GUCY1A2: variants seen among roughly 807,000 people sequenced by gnomAD.
GUCY1A2 encodes guanylate cyclase soluble subunit alpha-2.
GUCY1A2 carries 27 observed loss-of-function variants against 63.5 expected under a neutral mutation model. That is an observed-to-expected ratio of 0.43 (90% CI 0.31 to 0.59). The LOEUF (loss-of-function observed/expected upper bound fraction) is 0.59. GUCY1A2 is among the 20% of genes least tolerant of loss of function. The pLI is 0.11. For synonymous variants in GUCY1A2, 364 were observed against 343.5 expected (o/e 1.06, Z -0.66); for missense variants, 768 against 913.3 (o/e 0.84, Z 2.05).
chr11:106,701,897 A>G (rs989385726), intron 7 of GUCY1A2, among the ~76,000 whole-genome samples: 5 of 152,178 alleles, frequency 3.3e-5, no homozygotes, highest in African/African-American at 1.2e-4. Flanking sequence ...TCCTATAAAC[A>G]TGTACTATAA....
chr11:106,788,602 T>C (rs918352778), intron 5 of GUCY1A2, among the ~76,000 whole-genome samples: 1 of 152,184 alleles, frequency 6.6e-6, no homozygotes, highest in African/African-American at 2.4e-5. Flanking sequence ...CTTCTGCATA[T>C]CCAGTTTTCC....
chr11:107,017,875 G>GGGCCGGGGCGGCGGCAGCGGCAGCTGC lies in GUCY1A2; in HGVS notation c.154_180dup (p.Ala52_Ala60dup). 1 of 1,250,732 alleles carries GGGCCGGGGCGGCGGCAGCGGCAGCTGC rather than the reference G, an allele frequency of 8.0e-7. No individual in the cohort carries two copies. Among genetic ancestry groups the GGGCCGGGGCGGCGGCAGCGGCAGCTGC allele is most frequent in the Non-Finnish European group, 1.0e-6 (1 of 995,752 alleles). The allele number at this position is 1,250,732 out of a possible 1,614,324, so 77.5% of individuals were successfully genotyped here. On this transcript the variant is annotated inframe_insertion, in exon 1 of 8. Transcript: ENST00000526355. ...GCGGCGGCAGAAGCAGCCGGGGTCG[G>GGGCCGGGGCGGCGGCAGCGGCAGCTGC]GGCCGGGGCGGCGGCAGCGGCAGCT...
At chr11:106,897,453 T>C (rs1013726329) in intron 4 of GUCY1A2, among the ~76,000 whole-genome samples, 3 of 151,994 alleles carry the variant, frequency 2.0e-5, no homozygotes, top group African/African-American at 7.2e-5. Context: ...AGACTTATTA[T>C]AGAACCACAG....
intron 1 of GUCY1A2, among the ~76,000 whole-genome samples, chr11:107,003,131 T>C (rs7107170): frequency 0.056 from 8,462 of 152,214 alleles, 708 homozygotes; most frequent in African/African-American, 0.19. Flanking sequence ...CTGCTGTCTC[T>C]ATTTTTATCA....
At chr11:106,818,220 C>T (rs1211505219) in intron 4 of GUCY1A2, among the ~76,000 whole-genome samples, 3 of 152,108 alleles carry the variant, frequency 2.0e-5, no homozygotes, top group East Asian at 1.9e-4. Context: ...TTTGTGACAA[C>T]CTTCTGTTGA....
rs1862393708 is a variant in GUCY1A2 at position 106,679,232 on chromosome 11, C to A, written c.*8317G>T. 5.3e-6 allele frequency: 1 copy of A among 188,356 alleles called. No individual in the cohort carries two copies. The highest frequency in any genetic ancestry group is 8.5e-5 in the East Asian group (1 of 11,696). 11.7% of individuals were successfully genotyped at this position (188,356 alleles called of 1,614,324 possible). On this transcript the variant is annotated 3_prime_UTR_variant, in exon 8 of 8. Transcript: ENST00000526355. ...AACCAGTTACATGTAAGTGAAAAATCTTTGATGATTAAGGTACTACCTAAC... is the reference window on the plus strand; with the variant it reads ...AACCAGTTACATGTAAGTGAAAAATATTTGATGATTAAGGTACTACCTAAC...
At chr11:106,897,678 A>C (rs1279524465) in intron 4 of GUCY1A2, among the ~76,000 whole-genome samples, 1 of 152,090 alleles carries the variant, frequency 6.6e-6, no homozygotes, top group African/African-American at 2.4e-5. Flanking sequence ...TTGAATCTAG[A>C]TACAGACCTC....
At chr11:106,689,529 C>T (rs1445509819) in intron 7 of GUCY1A2, among the ~76,000 whole-genome samples, 1 of 151,982 alleles carries the variant, frequency 6.6e-6, no homozygotes, top group Non-Finnish European at 1.5e-5. Context: ...GAAAAAAACA[C>T]AACCCCATTA....
In GUCY1A2 at chr11:106,746,545, C is replaced by A; in HGVS notation, c.1836+29894G>T. On this transcript the variant is annotated intron_variant, in intron 6 of 7. Coordinates refer to ENST00000526355, the MANE Select transcript of GUCY1A2 (RefSeq NM_000855.3). The stretch of plus-strand genomic sequence containing the variant: ...TTTCCTTCTCCCTATAAGTGAAGCT[C>A]ATTACCTTTTCAGTACCCAAATCCG... 3 of 1,531,716 alleles carry A rather than the reference C, an allele frequency of 2.0e-6. No individual in the cohort carries two copies. In the South Asian group the frequency reaches 3.4e-5, roughly 17 times the overall value. The allele number at this position is 1,531,716 out of a possible 1,614,324, so 94.9% of individuals were successfully genotyped here.
chr11:106,920,592 A>G (rs1296490770), intron 4 of GUCY1A2, among the ~76,000 whole-genome samples: 2 of 152,124 alleles, frequency 1.3e-5, no homozygotes, highest in Non-Finnish European at 2.9e-5. Flanking sequence ...ACCATGTTTA[A>G]TGGATTAAAC....
At chr11:106,960,826 A>G (rs1420319370) in intron 3 of GUCY1A2, among the ~76,000 whole-genome samples, 1 of 152,160 alleles carries the variant, frequency 6.6e-6, no homozygotes, top group Non-Finnish European at 1.5e-5. Flanking sequence ...AGAACAAAGT[A>G]ACAGCCAACA....
At chr11:106,981,742 A>G (rs910288439) in intron 2 of GUCY1A2, among the ~76,000 whole-genome samples, 8 of 135,362 alleles carry the variant, frequency 5.9e-5, no homozygotes, top group Admixed American at 5.0e-4. Context: ...ATTTCAGTCA[A>G]AAAAAAAAAA....
At chr11:106,850,832 A>G (rs1258156449) in intron 4 of GUCY1A2, among the ~76,000 whole-genome samples, 4 of 151,832 alleles carry the variant, frequency 2.6e-5, no homozygotes, top group Non-Finnish European at 5.9e-5. Flanking sequence ...TAATATCCTG[A>G]CTTCGCTGGC....
chr11:106,944,056 A>G (rs2119990384), intron 3 of GUCY1A2, among the ~76,000 whole-genome samples: 1 of 151,262 alleles, frequency 6.6e-6, no homozygotes, highest in East Asian at 2.0e-4. Flanking sequence ...AAAAGTACAA[A>G]AATTAGCAGG....
intron 4 of GUCY1A2, among the ~76,000 whole-genome samples, chr11:106,825,236 T>A (rs1197290426): frequency 6.6e-6 from 1 of 152,114 alleles, no homozygotes; most frequent in Non-Finnish European, 1.5e-5. Context: ...TTGTCTTAAG[T>A]TTTTTATGCC....
intron 4 of GUCY1A2, among the ~76,000 whole-genome samples, chr11:106,823,825 T>C (rs1858932959): frequency 6.6e-6 from 1 of 152,190 alleles, no homozygotes; most frequent in African/African-American, 2.4e-5. Context: ...TTAGGGATAC[T>C]GATCATTATA....
rs187920791 is a variant in GUCY1A2, at chr11:107,011,756, C to T, written c.303+5997G>A. Among the ~76,000 whole-genome samples, 366 of 148,390 alleles carry T rather than the reference C, an allele frequency of 2.5e-3. 1 individual carries two copies. The highest frequency in any genetic ancestry group is 4.2e-3 in the Non-Finnish European group (282 of 67,334). Reference sequence around the variant, plus strand: ...AGTTCTACTCTTCAGAAGGCTGAGGCAGGAGCAAGACCCTATTTCAAAAAA... The same window carrying T: ...AGTTCTACTCTTCAGAAGGCTGAGGTAGGAGCAAGACCCTATTTCAAAAAA... On this transcript the variant is annotated intron_variant, in intron 1 of 7. Coordinates refer to ENST00000526355, the MANE Select transcript of GUCY1A2 (RefSeq NM_000855.3).
At chr11:106,807,429 A>G (rs1481359102) in intron 5 of GUCY1A2, among the ~76,000 whole-genome samples, 1 of 152,170 alleles carries the variant, frequency 6.6e-6, no homozygotes, top group Non-Finnish European at 1.5e-5. Context: ...TATCCTATAC[A>G]GGACTAATAT....
At chr11:106,699,773 CTTTTTTCTT>C (rs890989349) in intron 7 of GUCY1A2, among the ~76,000 whole-genome samples, 16 of 151,872 alleles carry the variant, frequency 1.1e-4, no homozygotes, top group South Asian at 8.3e-4. Flanking sequence ...AAAAATATGT[CTTTTTTCTT>C]TTTTTTCTTT....
Sources: allele counts gnomAD v4.1 joint callset (sites outside exome capture counted in the v4.1 genomes callset), GRCh38; gene constraint gnomAD v4.1.1; transcripts MANE v1.5; gene names NCBI Gene and HGNC (gene_info 2026-07-23, HGNC 2026-07-21).